The following MAP3K4 variants were observed in gnomAD, a reference collection of about 807,000 sequenced individuals.
MAP3K4 encodes mitogen-activated protein kinase kinase kinase 4.
In MAP3K4, 67 loss-of-function variants were observed where a neutral mutation model predicts 185.6. The ratio of observed to expected loss-of-function variants is 0.36; its 90% CI spans 0.30 to 0.44. The LOEUF (loss-of-function observed/expected upper bound fraction) is 0.44. Ranked by LOEUF, MAP3K4 falls within the 20% of genes least tolerant of loss-of-function variation. The pLI, the probability that MAP3K4 is intolerant of heterozygous loss-of-function variation, is 1.00. For synonymous variants in MAP3K4, 702 were observed against 710.4 expected (o/e 0.99, Z 0.19); for missense variants, 1,551 against 1,995.1 (o/e 0.78, Z 4.24).
intron 1 of MAP3K4, among the ~76,000 whole-genome samples, chr6:161,032,392 A>G (rs1478499838): frequency 2.6e-5 from 4 of 152,214 alleles, no homozygotes; most frequent in South Asian, 2.1e-4. Flanking sequence ...AACACTTACT[A>G]TATTCTGACT....
At chr6:161,113,755 G>T in intron 25 of MAP3K4, among the ~76,000 whole-genome samples, 1 of 138,510 alleles carries the variant, frequency 7.2e-6, no homozygotes, top group Admixed American at 7.2e-5. Flanking sequence ...TATTTAAATT[G>T]AAATCATTTT....
chr6:161,094,520 T>C (rs183990379), intron 15 of MAP3K4, among the ~76,000 whole-genome samples: 172 of 152,314 alleles, frequency 1.1e-3, no homozygotes, highest in African/African-American at 4.0e-3. Context: ...CTTGAGATAG[T>C]TTGTAAATAA....
intron 2 of MAP3K4, among the ~76,000 whole-genome samples, chr6:161,047,658 G>A (rs1389835511): frequency 6.6e-6 from 1 of 152,140 alleles, no homozygotes; most frequent in African/African-American, 2.4e-5. Context: ...AGCACTTGGA[G>A]AAACATTAAC....
rs916408161 is a variant in MAP3K4, at chr6:161,063,331, C to T, written c.1708-7277C>T. On this transcript the variant is annotated intron_variant, in intron 3 of 26. Coordinates refer to ENST00000392142, the MANE Select transcript of MAP3K4 (RefSeq NM_005922.4). This position sits in a 1 kb window ranked among gnomAD's most constrained non-coding sequence, Gnocchi z 5.4. ...TTAGTGGACATATCTTTCTGGCAAG[C>T]GCTCACTGTCTGGAGGGTTATTCTC... Among the ~76,000 whole-genome samples the T allele has an allele frequency of 4.6e-5, 7 of 152,092 alleles. No individual in the cohort carries two copies. The highest frequency in any genetic ancestry group is 1.4e-4 in the African/African-American group (6 of 41,412).
intron 1 of MAP3K4, among the ~76,000 whole-genome samples, chr6:160,997,095 T>G (rs1175309229): frequency 1.3e-5 from 2 of 152,210 alleles, no homozygotes; most frequent in African/African-American, 4.8e-5. Flanking sequence ...TAACAAACCT[T>G]GCTTTTCCTG....
chr6:161,041,038 G>T (rs998955362), intron 2 of MAP3K4, among the ~76,000 whole-genome samples: 1 of 152,230 alleles, frequency 6.6e-6, no homozygotes, highest in Non-Finnish European at 1.5e-5. Context: ...TGGAGGAGAA[G>T]GTGAAGCAGC....
intron 19 of MAP3K4, among the ~76,000 whole-genome samples, chr6:161,105,845 T>G (rs965953221): frequency 1.2e-4 from 18 of 151,496 alleles, no homozygotes; most frequent in Admixed American, 2.0e-4. Context: ...TTTGTTTTTT[T>G]TTTTTTTTGA....
chr6:160,998,886 T>G (rs1023225425), intron 1 of MAP3K4, among the ~76,000 whole-genome samples: 1 of 152,230 alleles, frequency 6.6e-6, no homozygotes, highest in Admixed American at 6.5e-5. Context: ...ATCGAGTGCC[T>G]TTGCCTTTAA....
At chr6:161,025,526 G>A (rs1782604078) in intron 1 of MAP3K4, among the ~76,000 whole-genome samples, 1 of 152,124 alleles carries the variant, frequency 6.6e-6, no homozygotes, top group Non-Finnish European at 1.5e-5. Context: ...TGTGTCATAG[G>A]CCATATTTAC....
chr6:161,108,767 A>G lies in MAP3K4; in HGVS notation c.4144A>G (p.Lys1382Glu). ...KEIRFQPNDHKTIKETADELK... is the reference protein window; with the variant it reads ...KEIRFQPNDHETIKETADELK... Reference sequence around the variant, plus strand: ...GATTCGATTTCAACCTAATGACCATAAGACTATCAAGGAAACTGCAGACGA... The same window carrying G: ...GATTCGATTTCAACCTAATGACCATGAGACTATCAAGGAAACTGCAGACGA... The change falls in exon 22 of 27, where the codon AAG (lysine) becomes GAG (glutamate). Residue 1382 changes from lysine to glutamate, a missense_variant. By Grantham distance (56) the Lys-to-Glu change is moderately conservative (BLOSUM62 1). Transcript: ENST00000392142. This position sits in a 1 kb window ranked among gnomAD's most constrained non-coding sequence, Gnocchi z 5.7. 1 of 1,613,320 alleles carries G rather than the reference A, an allele frequency of 6.2e-7. No individual in the cohort carries two copies. The highest frequency in any genetic ancestry group is 8.5e-7 in the Non-Finnish European group (1 of 1,179,272).
chr6:161,027,840 G>A (rs778433779), intron 1 of MAP3K4, among the ~76,000 whole-genome samples: 5 of 152,174 alleles, frequency 3.3e-5, no homozygotes, highest in African/African-American at 9.7e-5. Flanking sequence ...TGCTACTTAC[G>A]GTGTTGGCTG....
At chr6:160,992,395 C>T (rs897986818) in intron 1 of MAP3K4, 6 of 428,184 alleles carry the variant, frequency 1.4e-5, no homozygotes, top group African/African-American at 1.3e-4. Context: ...CGGCTGCCTC[C>T]CCTGCCGCTA....
rs922779485 is a variant in MAP3K4 at position 161,089,386 on chromosome 6, A to G, written c.2888A>G (p.Gln963Arg). 2 of 1,614,110 alleles carry G rather than the reference A, an allele frequency of 1.2e-6. No individual in the cohort carries two copies. Among genetic ancestry groups the G allele is most frequent in the Non-Finnish European group, 1.7e-6 (2 of 1,180,050 alleles). The change falls in exon 11 of 27, where the codon CAG (glutamine) becomes CGG (arginine). Residue 963 changes from glutamine to arginine, a missense_variant. Physicochemically the swap from Gln to Arg is conservative, Grantham distance 43. Around this residue, in one of 16 missense-constraint regions of MAP3K4, gnomAD observed 261 missense variants for 306.5 expected, o/e 0.85. Coordinates refer to ENST00000392142, the MANE Select transcript of MAP3K4 (RefSeq NM_005922.4). ...CTCACAATTCAGAGAAAAGCTTTCC[A>G]GCAGTCCATTGAGGGACTTATGACT... The part of the protein sequence containing the change: ...AHLTIQRKAF[Q>R]QSIEGLMTLC...
chr6:161,106,464 T>A lies in MAP3K4; in HGVS notation c.3857-50T>A. The A allele has an allele frequency of 7.2e-7, 1 of 1,398,002 alleles. No homozygotes were observed. The highest frequency in any genetic ancestry group is 9.8e-7 in the Non-Finnish European group (1 of 1,021,302). 86.6% of individuals were successfully genotyped at this position (1,398,002 alleles called of 1,614,324 possible). A position where few individuals can be genotyped will look rare whatever the true frequency, so the allele number is the denominator to read the frequency against. The stretch of plus-strand genomic sequence containing the variant: ...TTTTATTGGTTTGTCTTTTGGAAAC[T>A]GACTTGATAACAGTGATTGGGACTA... On this transcript the variant is annotated intron_variant, in intron 19 of 26. Transcript: ENST00000392142. This position sits in a 1 kb window ranked among gnomAD's most constrained non-coding sequence, Gnocchi z 4.9.
At position 161,023,607 on chromosome 6, in the gene MAP3K4, A is replaced by C. The variant is rs542616090; in HGVS notation, c.153-10652A>C. On this transcript the variant is annotated intron_variant, in intron 1 of 26. Coordinates refer to ENST00000392142, the MANE Select transcript of MAP3K4 (RefSeq NM_005922.4). Reference sequence around the variant, plus strand: ...TGCTGCTATGATGATTGTTACAATAAATATTTCCAAGCCCTGTTTCAGACT... The same window carrying C: ...TGCTGCTATGATGATTGTTACAATACATATTTCCAAGCCCTGTTTCAGACT... 2.0e-5 allele frequency among the ~76,000 whole-genome samples: 3 copies of C among 152,358 alleles called. No individual in the cohort carries two copies. In the East Asian group the frequency reaches 5.8e-4, roughly 29 times the overall value.
At position 161,088,682 on chromosome 6, in the gene MAP3K4, C is replaced by T. The variant is rs1337795155; in HGVS notation, c.2824-640C>T. Among the ~76,000 whole-genome samples the T allele has an allele frequency of 3.3e-5, 5 of 152,172 alleles. No individual in the cohort carries two copies. The highest frequency in any genetic ancestry group is 7.3e-5 in the Non-Finnish European group (5 of 68,030). On this transcript the variant is annotated intron_variant, in intron 10 of 26. Transcript: ENST00000392142. The surrounding 1 kb of genome is among the most constrained non-coding windows in gnomAD (Gnocchi z 4.5). The stretch of plus-strand genomic sequence containing the variant: ...AGCATTTCCAGTAAATGATCCTTTC[C>T]CTGCATCCCCAGAGCAGCTGCTGTA...
Position 161,080,835 on chromosome 6 carries a change from CCAAGTTCTACTTT to C in MAP3K4, c.2098-42_2098-30del. On this transcript the variant is annotated intron_variant, in intron 5 of 26. Transcript: ENST00000392142. This position sits in a 1 kb window ranked among gnomAD's most constrained non-coding sequence, Gnocchi z 4.8. ...GCTTTCAGGTGAGAGCGCTGAGTTG[CCAAGTTCTACTTT>C]CAAATGTCTCCCTTTACTTTTTGTG... The C allele has an allele frequency of 6.3e-7, 1 of 1,585,422 alleles. No individual in the cohort carries two copies. The highest frequency in any genetic ancestry group is 8.6e-7 in the Non-Finnish European group (1 of 1,159,870).
At chr6:161,072,083 T>C (rs1343365395) in intron 4 of MAP3K4, among the ~76,000 whole-genome samples, 2 of 152,220 alleles carry the variant, frequency 1.3e-5, no homozygotes, top group Non-Finnish European at 2.9e-5. Flanking sequence ...TTAAATGCAT[T>C]CAAAGATCAG....
intron 3 of MAP3K4, among the ~76,000 whole-genome samples, chr6:161,068,602 TG>T (rs1433437556): frequency 3.9e-5 from 6 of 152,204 alleles, no homozygotes; most frequent in Admixed American, 3.9e-4. Context: ...AAAATCACTT[TG>T]TGGGTTATTG....
Sources: allele counts gnomAD v4.1 joint callset (sites outside exome capture counted in the v4.1 genomes callset), GRCh38; gene constraint gnomAD v4.1.1; regional missense constraint gnomAD v4.1.1; non-coding constraint Gnocchi (gnomAD v3.1); transcripts MANE v1.5; gene names NCBI Gene and HGNC (gene_info 2026-07-23, HGNC 2026-07-21).